The following DOCK1 variants were observed in gnomAD, a reference collection of about 807,000 sequenced individuals.
The protein encoded by DOCK1 is dedicator of cytokinesis protein 1.
DOCK1 carries 138 observed loss-of-function variants against 262.7 expected under a neutral mutation model. The observed-to-expected ratio is 0.53, with a 90% CI of 0.46 to 0.61. DOCK1 has a LOEUF of 0.61. Among genes scored for constraint, DOCK1 ranks in the 20% least tolerant of loss-of-function variants. The pLI is 0.00. For synonymous variants in DOCK1, 866 were observed against 867.4 expected (o/e 1.00, Z 0.03); for missense variants, 1,908 against 2,370.7 (o/e 0.80, Z 4.05).
chr10:127,049,001 A>C (rs2044528966), intron 21 of DOCK1, among the ~76,000 whole-genome samples: 1 of 152,248 alleles, frequency 6.6e-6, no homozygotes, highest in Admixed American at 6.5e-5. Context: ...CGCTGGAAGT[A>C]GTAAAGCAAG....
chr10:127,421,898 T>C (rs1161713023), intron 46 of DOCK1, among the ~76,000 whole-genome samples: 6 of 152,232 alleles, frequency 3.9e-5, no homozygotes, highest in Non-Finnish European at 8.8e-5. Context: ...GTGGGTTGTT[T>C]CTACCTTTTG....
chr10:127,420,640 A>T lies in DOCK1; in HGVS notation c.4776+891A>T, dbSNP rs867076491. On this transcript the variant is annotated intron_variant, in intron 46 of 51. Coordinates refer to ENST00000623213, the MANE Select transcript of DOCK1 (RefSeq NM_001290223.2). ...CCAGGCTCCCAGTCAAGGCCCAGAGATGCTGTGCAGTTGATCTGCACCCAG... is the reference window on the plus strand; with the variant it reads ...CCAGGCTCCCAGTCAAGGCCCAGAGTTGCTGTGCAGTTGATCTGCACCCAG... Among the ~76,000 whole-genome samples, 5 of 152,152 alleles carry T rather than the reference A, an allele frequency of 3.3e-5. No homozygotes were observed. In the Middle Eastern group the frequency reaches 0.01, roughly 311 times the overall value.
chr10:127,428,940 G>C (rs1472869248), intron 47 of DOCK1, among the ~76,000 whole-genome samples: 1 of 143,928 alleles, frequency 6.9e-6, no homozygotes, highest in African/African-American at 2.6e-5. Flanking sequence ...GGATTGTGCC[G>C]TGTGGATTGG....
At chr10:127,177,935 GC>G (rs1315589153) in intron 27 of DOCK1, among the ~76,000 whole-genome samples, 9 of 152,198 alleles carry the variant, frequency 5.9e-5, no homozygotes, top group Admixed American at 5.9e-4. Context: ...AATAAGCAGC[GC>G]AGGCAGGAGC....
chr10:127,133,976 C>T (rs891555233), intron 27 of DOCK1, among the ~76,000 whole-genome samples: 2 of 152,192 alleles, frequency 1.3e-5, no homozygotes, highest in Admixed American at 1.3e-4. Flanking sequence ...CTTTAGGTGA[C>T]ACTGCTGCAG....
At chr10:127,046,757 CAAA>C (rs5788823) in intron 21 of DOCK1, among the ~76,000 whole-genome samples, 100 of 73,368 alleles carry the variant, frequency 1.4e-3, no homozygotes, top group African/African-American at 4.5e-3. Context: ...CACTACGTCT[CAAA>C]AAAAAAAAAA....
intron 28 of DOCK1, among the ~76,000 whole-genome samples, chr10:127,255,188 C>T (rs889308517): frequency 6.6e-6 from 1 of 152,048 alleles, no homozygotes; most frequent in Non-Finnish European, 1.5e-5. Flanking sequence ...TTCCTTGAGC[C>T]CAGGAGTTCA....
chr10:127,311,315 A>G (rs963132834), intron 29 of DOCK1, among the ~76,000 whole-genome samples: 4 of 152,162 alleles, frequency 2.6e-5, no homozygotes, highest in African/African-American at 9.7e-5. Flanking sequence ...ATTCTCATTC[A>G]TCCTGTAGAA....
At chr10:127,006,246 C>T (rs1417688007) in intron 10 of DOCK1, among the ~76,000 whole-genome samples, 1 of 152,200 alleles carries the variant, frequency 6.6e-6, no homozygotes, top group African/African-American at 2.4e-5. Flanking sequence ...CCCTGCGAGA[C>T]GTTTCTCACC....
intron 3 of DOCK1, among the ~76,000 whole-genome samples, chr10:126,981,108 C>T (rs969149524): frequency 3.9e-5 from 6 of 152,042 alleles, no homozygotes; most frequent in Admixed American, 3.3e-4. Context: ...CCACCACACC[C>T]GGCTAATTTT....
At position 127,024,873 on chromosome 10, in the gene DOCK1, C is replaced by T. The variant is rs1451797887; in HGVS notation, c.1551+90C>T. 4.3e-6 allele frequency: 5 copies of T among 1,151,050 alleles called. No individual in the cohort carries two copies. The South Asian group carries it at 6.9e-5, about 16-fold the overall frequency. 71.3% of individuals were successfully genotyped at this position (1,151,050 alleles called of 1,614,324 possible). A position where few individuals can be genotyped will look rare whatever the true frequency, so the allele number is the denominator to read the frequency against. The stretch of plus-strand genomic sequence containing the variant: ...GAAACATCCTAACATCCTCCTCAGC[C>T]CGGGAGCTGCTCCAGGCAGGCAGAG... On this transcript the variant is annotated intron_variant, in intron 15 of 51. Transcript: ENST00000623213.
At chr10:127,108,682 C>G (rs1564808884) in intron 24 of DOCK1, among the ~76,000 whole-genome samples, 1 of 152,214 alleles carries the variant, frequency 6.6e-6, no homozygotes, top group African/African-American at 2.4e-5. Flanking sequence ...TCTGCATCAT[C>G]ATTGTTAGTA....
chr10:127,321,896 G>A (rs10829760), intron 29 of DOCK1, among the ~76,000 whole-genome samples: 69,695 of 151,620 alleles, frequency 0.46, 16,130 homozygotes, highest in East Asian at 0.52. Context: ...TGAGGTCAGG[G>A]GTACAAGACC....
intron 29 of DOCK1, among the ~76,000 whole-genome samples, chr10:127,264,499 G>T (rs1333586583): frequency 6.6e-6 from 1 of 152,158 alleles, no homozygotes; most frequent in Non-Finnish European, 1.5e-5. Flanking sequence ...ATATAAAATA[G>T]AATATGTAAA....
chr10:127,417,122 A>G (rs566882022), intron 44 of DOCK1, among the ~76,000 whole-genome samples: 1 of 152,326 alleles, frequency 6.6e-6, no homozygotes, highest in South Asian at 2.1e-4. Flanking sequence ...AGGCTGTAGC[A>G]GGAAGAAAGC....
At chr10:127,037,957 G>C in intron 19 of DOCK1, 141 bp downstream of exon 19, 2 of 704,484 alleles carry the variant, frequency 2.8e-6, no homozygotes, top group Non-Finnish European at 4.4e-6. Context: ...ATAGGGATTG[G>C]GTGCGGTGGC....
At chr10:127,174,801 CT>C in intron 27 of DOCK1, among the ~76,000 whole-genome samples, 1 of 152,344 alleles carries the variant, frequency 6.6e-6, no homozygotes, top group East Asian at 1.9e-4. Flanking sequence ...TTTCCTTTCT[CT>C]TCCTAATACG....
At chr10:127,358,557 C>T (rs972847955) in intron 32 of DOCK1, among the ~76,000 whole-genome samples, 9 of 152,202 alleles carry the variant, frequency 5.9e-5, no homozygotes, top group Non-Finnish European at 1.2e-4. Context: ...GGAGCGAGCA[C>T]TAGACCCCAG....
chr10:127,328,166 G>A (rs1169574990), intron 29 of DOCK1, among the ~76,000 whole-genome samples: 1 of 151,048 alleles, frequency 6.6e-6, no homozygotes, highest in Non-Finnish European at 1.5e-5. Context: ...TCAGCCTATG[G>A]CAAATGAGCC....
Sources: gnomAD v4.1 joint callset for allele counts (sites outside exome capture counted in the v4.1 genomes callset) on GRCh38, gnomAD v4.1.1 for gene constraint, MANE v1.5 for transcripts, NCBI Gene and HGNC (gene_info 2026-07-23, HGNC 2026-07-21) for gene names.